The following GABRB2 variants were observed in gnomAD, a reference collection of about 807,000 sequenced individuals.
GABRB2 encodes the protein gamma-aminobutyric acid receptor subunit beta-2.
GABRB2 carries 16 observed loss-of-function variants against 54.7 expected under a neutral mutation model. That is an observed-to-expected ratio of 0.29 (90% confidence interval 0.20 to 0.44). GABRB2 has a LOEUF of 0.44. Among genes scored for constraint, GABRB2 ranks in the 20% least tolerant of loss-of-function variants. The pLI is 1.00. For missense variants in GABRB2, 355 were observed against 644.0 expected, an observed-to-expected ratio of 0.55 and a Z score of 4.86; for synonymous variants, 244 against 233.8, an observed-to-expected ratio of 1.04 and a Z score of -0.40.
At chr5:161,474,582 A>G (rs1216772116) in intron 3 of GABRB2, among the ~76,000 whole-genome samples, 1 of 151,970 alleles carries the variant, frequency 6.6e-6, no homozygotes, top group African/African-American at 2.4e-5. Flanking sequence ...TATTATTATC[A>G]GTCCAGAAGA....
At chr5:161,460,403 T>C (rs971308606) in intron 3 of GABRB2, among the ~76,000 whole-genome samples, 1 of 152,146 alleles carries the variant, frequency 6.6e-6, no homozygotes, top group Non-Finnish European at 1.5e-5. Context: ...CCAGGCACAG[T>C]GGTGGGCACT....
chr5:161,408,496 T>C (rs1195369492), intron 5 of GABRB2, among the ~76,000 whole-genome samples: 1 of 152,078 alleles, frequency 6.6e-6, no homozygotes, highest in Non-Finnish European at 1.5e-5. Context: ...AACAAATACA[T>C]TCCTGAGTGA....
chr5:161,452,059 A>G (rs1757804347), intron 4 of GABRB2, among the ~76,000 whole-genome samples: 1 of 152,186 alleles, frequency 6.6e-6, no homozygotes, highest in African/African-American at 2.4e-5. Context: ...CAGCCAACTT[A>G]TATTTAGATT....
chr5:161,414,107 G>T (rs1756594612), intron 4 of GABRB2, among the ~76,000 whole-genome samples: 1 of 152,116 alleles, frequency 6.6e-6, no homozygotes, highest in African/African-American at 2.4e-5. Context: ...AAAGCTAAAA[G>T]ACATTTATAA....
chr5:161,534,501 T>G (rs1346837828), intron 3 of GABRB2, among the ~76,000 whole-genome samples: 1 of 152,210 alleles, frequency 6.6e-6, no homozygotes, highest in African/African-American at 2.4e-5. Flanking sequence ...AAAACATGCA[T>G]GATGCGCTTC....
At chr5:161,354,932 T>C (rs973794978) in intron 5 of GABRB2, among the ~76,000 whole-genome samples, 6 of 152,184 alleles carry the variant, frequency 3.9e-5, no homozygotes, top group Admixed American at 6.6e-5. Context: ...AGCCAAACTA[T>C]ACTGGCCCTC....
chr5:161,317,727 T>C (rs1758084933), intron 9 of GABRB2, among the ~76,000 whole-genome samples: 1 of 152,024 alleles, frequency 6.6e-6, no homozygotes, highest in African/African-American at 2.4e-5. Context: ...GAAATACACA[T>C]ATTAATAAAT....
intron 3 of GABRB2, among the ~76,000 whole-genome samples, chr5:161,540,852 T>A (rs911967061): frequency 6.6e-6 from 1 of 152,078 alleles, no homozygotes; most frequent in African/African-American, 2.4e-5. Context: ...ATTATTATTA[T>A]TATTATTATT....
intron 3 of GABRB2, among the ~76,000 whole-genome samples, chr5:161,498,706 G>T (rs926654411): frequency 2.6e-5 from 4 of 152,034 alleles, no homozygotes; most frequent in Non-Finnish European, 4.4e-5. Flanking sequence ...AAGGCTCTGT[G>T]CCAAAGGGTG....
At chr5:161,414,510 A>G (rs1373526329) in intron 4 of GABRB2, among the ~76,000 whole-genome samples, 3 of 152,172 alleles carry the variant, frequency 2.0e-5, no homozygotes, top group Non-Finnish European at 2.9e-5. Context: ...AGGCAGAGAT[A>G]TCAAGATGGA....
intron 5 of GABRB2, among the ~76,000 whole-genome samples, chr5:161,398,054 G>C (rs547030194): frequency 2.0e-4 from 31 of 152,292 alleles, no homozygotes; most frequent in Middle Eastern, 3.4e-3. Flanking sequence ...TAGATAGATA[G>C]ATAGACAGAG....
At chr5:161,299,104 G>GCT (rs1757464532) in intron 9 of GABRB2, among the ~76,000 whole-genome samples, 1 of 152,174 alleles carries the variant, frequency 6.6e-6, no homozygotes, top group Non-Finnish European at 1.5e-5. Flanking sequence ...CTTAATGAAG[G>GCT]ATGGATAAGA....
At chr5:161,415,803 G>A (rs1756647582) in intron 4 of GABRB2, among the ~76,000 whole-genome samples, 1 of 151,964 alleles carries the variant, frequency 6.6e-6, no homozygotes, top group South Asian at 2.1e-4. Context: ...AGTAGAGATG[G>A]GGTTTCGCTA....
intron 4 of GABRB2, among the ~76,000 whole-genome samples, chr5:161,436,171 GA>G (rs1223296990): frequency 6.6e-6 from 1 of 152,122 alleles, no homozygotes; most frequent in African/African-American, 2.4e-5. Flanking sequence ...CTCTTGGATT[GA>G]AAAGCTTGTA....
intron 5 of GABRB2, among the ~76,000 whole-genome samples, chr5:161,379,869 C>G (rs142640751): frequency 9.1e-4 from 139 of 152,146 alleles, no homozygotes; most frequent in African/African-American, 3.0e-3. Context: ...AAAGGGCTGA[C>G]TGCACTCTTT....
intron 4 of GABRB2, among the ~76,000 whole-genome samples, chr5:161,454,187 G>T (rs1757879074): frequency 6.6e-6 from 1 of 152,162 alleles, no homozygotes; most frequent in African/African-American, 2.4e-5. Flanking sequence ...ATTATTAAAT[G>T]AAAATTATTG....
chr5:161,412,308 T>C (rs1756536970), intron 4 of GABRB2, among the ~76,000 whole-genome samples: 1 of 152,184 alleles, frequency 6.6e-6, no homozygotes, highest in Admixed American at 6.5e-5. Context: ...TTAAGGTTTG[T>C]GCTCTGTTAA....
intron 3 of GABRB2, among the ~76,000 whole-genome samples, chr5:161,496,593 C>A (rs926895349): frequency 6.6e-6 from 1 of 151,374 alleles, no homozygotes; most frequent in Admixed American, 6.6e-5. Context: ...CTAGAAATAA[C>A]CACTGTTAGT....
chr5:161,445,462 C>T (rs2113220618), intron 4 of GABRB2, among the ~76,000 whole-genome samples: 1 of 152,192 alleles, frequency 6.6e-6, no homozygotes, highest in Admixed American at 6.5e-5. Context: ...CTCCTCTCAG[C>T]AAGGACATTC....
Sources: gnomAD v4.1 joint callset for allele counts (sites outside exome capture counted in the v4.1 genomes callset) on GRCh38, gnomAD v4.1.1 for gene constraint, MANE v1.5 for transcripts, NCBI Gene and HGNC (gene_info 2026-07-23, HGNC 2026-07-21) for gene names.